Variants in NEK10 observed in about 807,000 individuals in gnomAD.
NEK10 encodes the protein NIMA related kinase 10.
A neutral mutation model predicts 159.8 loss-of-function variants in NEK10; 122 were observed. The observed-to-expected ratio is 0.76, with a 90% CI of 0.66 to 0.89. The LOEUF is 0.89. Among genes scored for constraint, NEK10 ranks in the 40% least tolerant of loss-of-function variants. NEK10 has a pLI of 0.00. For synonymous variants in NEK10, 466 were observed against 457.1 expected (o/e 1.02, Z -0.25); for missense variants, 1,342 against 1,323.1 (o/e 1.01, Z -0.22).
intron 30 of NEK10, among the ~76,000 whole-genome samples, chr3:27,149,242 T>C (rs1944600250): frequency 6.6e-6 from 1 of 152,168 alleles, no homozygotes; most frequent in South Asian, 2.1e-4. Flanking sequence ...GTGATGGGTC[T>C]AAATCAGTTA....
chr3:27,224,955 T>A (rs927065959), intron 23 of NEK10, among the ~76,000 whole-genome samples: 1 of 152,200 alleles, frequency 6.6e-6, no homozygotes, highest in African/African-American at 2.4e-5. Flanking sequence ...TATTTTTGCA[T>A]TCTTCTCCCA....
intron 22 of NEK10, among the ~76,000 whole-genome samples, chr3:27,261,208 G>T (rs1309472496): frequency 6.6e-6 from 1 of 151,868 alleles, no homozygotes; most frequent in Non-Finnish European, 1.5e-5. Context: ...GGGTTTTTTT[G>T]TGTCTCTATT....
chr3:27,344,419 C>G (rs1263392989), intron 4 of NEK10, 49 bp from the exon 5 acceptor site: 4 of 954,792 alleles, frequency 4.2e-6, no homozygotes, highest in Non-Finnish European at 6.6e-6. Flanking sequence ...ATCAGGCTGT[C>G]TCAAAGTTGC....
chr3:27,133,596 G>T (rs2125530951), intron 31 of NEK10, among the ~76,000 whole-genome samples: 1 of 152,218 alleles, frequency 6.6e-6, no homozygotes, highest in Non-Finnish European at 1.5e-5. Context: ...CCAACATGGA[G>T]AAACCCCATC....
chr3:27,217,163 T>A (rs189814100), intron 23 of NEK10, among the ~76,000 whole-genome samples: 1 of 152,198 alleles, frequency 6.6e-6, no homozygotes, highest in East Asian at 1.9e-4. Context: ...TGGTGAGTCA[T>A]GGCCTCAGAT....
At chr3:27,339,720 A>G (rs1361827693) in intron 5 of NEK10, among the ~76,000 whole-genome samples, 6 of 149,552 alleles carry the variant, frequency 4.0e-5, no homozygotes, top group Non-Finnish European at 8.9e-5. Flanking sequence ...TAGAAGTTGC[A>G]GTGAGCCGAG....
chr3:27,203,438 C>T (rs9824360), intron 23 of NEK10, among the ~76,000 whole-genome samples: 10,736 of 152,172 alleles, frequency 0.071, 444 homozygotes, highest in African/African-American at 0.11. Flanking sequence ...TAATTTGCAA[C>T]GGTTCATGAA....
At chr3:27,185,588 T>C (rs1948539017) in intron 26 of NEK10, among the ~76,000 whole-genome samples, 1 of 152,206 alleles carries the variant, frequency 6.6e-6, no homozygotes, top group African/African-American at 2.4e-5. Context: ...CTATGGATTT[T>C]GCACTTGCCT....
At chr3:27,230,395 A>C (rs1953114844) in intron 23 of NEK10, among the ~76,000 whole-genome samples, 1 of 152,078 alleles carries the variant, frequency 6.6e-6, no homozygotes, top group Admixed American at 6.6e-5. Flanking sequence ...ACAAAAGTTC[A>C]ATGTGCACCA....
intron 31 of NEK10, among the ~76,000 whole-genome samples, chr3:27,132,471 G>A (rs773335096): frequency 2.0e-5 from 3 of 152,172 alleles, no homozygotes; most frequent in African/African-American, 7.2e-5. Context: ...GAGTGCTCCT[G>A]AAAATTCAGC....
At chr3:27,207,131 C>T (rs1208593503) in intron 23 of NEK10, among the ~76,000 whole-genome samples, 1 of 152,212 alleles carries the variant, frequency 6.6e-6, no homozygotes, top group Non-Finnish European at 1.5e-5. Context: ...GTTTCCAGGA[C>T]ATCTGCTGGC....
chr3:27,319,908 C>A (rs1246286695), intron 6 of NEK10, among the ~76,000 whole-genome samples: 1 of 152,064 alleles, frequency 6.6e-6, no homozygotes, highest in Non-Finnish European at 1.5e-5. Context: ...GGAAGAGCCG[C>A]TATGGACCCT....
intron 25 of NEK10, chr3:27,194,022 T>A (rs1423531308): frequency 6.6e-6 from 1 of 152,134 alleles, no homozygotes; most frequent in African/African-American, 2.4e-5. Context: ...CCCAAAATAT[T>A]TGGCCATAGA....
In NEK10 at chr3:27,346,137, G is replaced by A; in HGVS notation, c.212C>T (p.Ala71Val). 1.9e-6 allele frequency: 3 copies of A among 1,613,728 alleles called. No homozygotes were observed. Among genetic ancestry groups the A allele is most frequent in the African/African-American group, 1.3e-5 (1 of 75,036 alleles). The change falls in exon 4 of 36, where the codon GCT (alanine) becomes GTT (valine). Residue 71 changes from alanine to valine, a missense_variant. By Grantham distance (64) the Ala-to-Val change is moderately conservative. Transcript: ENST00000691995. ...EPAIRAGGHR[A>V]RGQWHESTEA... Reference sequence around the variant, plus strand: ...TGTGGATTCATGCCACTGACCCCGAGCTCTGTGTCCACCCGCCCTGATGGC... The same window carrying A: ...TGTGGATTCATGCCACTGACCCCGAACTCTGTGTCCACCCGCCCTGATGGC...
intron 5 of NEK10, among the ~76,000 whole-genome samples, chr3:27,343,025 T>C (rs1289819232): frequency 1.3e-5 from 2 of 152,172 alleles, no homozygotes; most frequent in Non-Finnish European, 2.9e-5. Flanking sequence ...GTAAAGATTT[T>C]AGGCTTCTTG....
chr3:27,256,330 G>A lies in NEK10; in HGVS notation c.2056C>T (p.Leu686Phe), dbSNP rs1346615652. The A allele has an allele frequency of 2.5e-6, 4 of 1,572,480 alleles. No individual in the cohort carries two copies. In the Admixed American group the frequency reaches 5.7e-5, roughly 23 times the overall value. Reference sequence around the variant, plus strand: ...AGGATTGTTCCAACCACAGAGGTGAGTTTACTGTTTTCTTGTTTTTGCTTT... The same window carrying A: ...AGGATTGTTCCAACCACAGAGGTGAATTTACTGTTTTCTTGTTTTTGCTTT... ...LAKQKQENSK[L>F]TSVVGTILYS... The change falls in exon 23 of 36, where the codon CTC (leucine) becomes TTC (phenylalanine). Residue 686 changes from leucine (L) to phenylalanine (F), a missense_variant. Leu to Phe is a conservative substitution (Grantham distance 22). Transcript: ENST00000691995.
chr3:27,316,885 C>G (rs914420004), intron 6 of NEK10, among the ~76,000 whole-genome samples: 1 of 152,120 alleles, frequency 6.6e-6, no homozygotes, highest in African/African-American at 2.4e-5. Flanking sequence ...TTAACAAATT[C>G]TCTATCTCAG....
chr3:27,152,867 A>G (rs1225635913), intron 30 of NEK10, among the ~76,000 whole-genome samples: 2 of 152,206 alleles, frequency 1.3e-5, no homozygotes, highest in African/African-American at 2.4e-5. Flanking sequence ...AGCTATTCTT[A>G]TATCAGACAA....
intron 3 of NEK10, among the ~76,000 whole-genome samples, chr3:27,352,084 A>G (rs190801154): frequency 1.2e-3 from 181 of 152,238 alleles, no homozygotes; most frequent in Non-Finnish European, 2.2e-3. Flanking sequence ...TGGGAAGAGT[A>G]AGGGGGAAGG....
Sources: gnomAD v4.1 joint callset for allele counts (sites outside exome capture counted in the v4.1 genomes callset) on GRCh38, gnomAD v4.1.1 for gene constraint, MANE v1.5 for transcripts, NCBI Gene and HGNC (gene_info 2026-07-23, HGNC 2026-07-21) for gene names.